Variants in KIF21A observed in about 807,000 individuals in gnomAD.
KIF21A encodes kinesin-like protein KIF21A.
In KIF21A, 114 loss-of-function variants were observed where a neutral mutation model predicts 202.9. The ratio of observed to expected loss-of-function variants is 0.56; its 90% CI spans 0.48 to 0.66. The LOEUF (loss-of-function observed/expected upper bound fraction) is 0.66, where lower values mean the gene tolerates loss of function less well. Among genes scored for constraint, KIF21A ranks in the 30% least tolerant of loss-of-function variants. The pLI is 0.00. For missense variants in KIF21A, 1,677 were observed against 1,994.9 expected (o/e 0.84, Z 3.04); for synonymous variants, 667 against 670.8 (o/e 0.99, Z 0.09).
rs576727569 is a variant in KIF21A at position 39,438,032 on chromosome 12, G to A, written c.44+4895C>T. Among the ~76,000 whole-genome samples the A allele has an allele frequency of 9.2e-5, 14 of 152,222 alleles. No individual in the cohort carries two copies. In the South Asian group the frequency reaches 2.9e-3, roughly 32 times the overall value. Reference sequence around the variant, plus strand: ...AAAACATTTGGAAGTATGTTTCAGAGCACAGCAATAGATATCAGAAACCTG... The same window carrying A: ...AAAACATTTGGAAGTATGTTTCAGAACACAGCAATAGATATCAGAAACCTG... On this transcript the variant is annotated intron_variant, in intron 1 of 37. Transcript: ENST00000361418.
intron 37 of KIF21A, among the ~76,000 whole-genome samples, chr12:39,295,863 A>C (rs1434725273): frequency 6.6e-6 from 1 of 150,446 alleles, no homozygotes; most frequent in Non-Finnish European, 1.5e-5. Flanking sequence ...CACTATGCCT[A>C]GCTAATTTTT....
intron 1 of KIF21A, among the ~76,000 whole-genome samples, chr12:39,434,992 G>A (rs556169020): frequency 7.9e-5 from 12 of 152,208 alleles, no homozygotes; most frequent in Non-Finnish European, 1.6e-4. Flanking sequence ...AGGCCTACGT[G>A]ACAGACACAA....
intron 1 of KIF21A, among the ~76,000 whole-genome samples, chr12:39,429,483 T>G (rs1052728653): frequency 6.6e-6 from 1 of 152,120 alleles, no homozygotes; most frequent in African/African-American, 2.4e-5. Context: ...ACAGACATAA[T>G]AAATTGTAAA....
rs377193734 is a variant in KIF21A, at chr12:39,330,764, G to C, written c.3301C>G (p.Leu1101Val). ...AELNPELDAL[L>V]GHALQDLDSV... ...AAATTACCTTGTAAAGCATGGCCTA[G>C]TAAAGCATCTAGCTCAGGATTTAAT... The change falls in exon 23 of 38, where the codon CTA (leucine) becomes GTA (valine). Residue 1101 changes from leucine (L) to valine (V), a missense_variant. Coordinates refer to ENST00000361418, the MANE Select transcript of KIF21A (RefSeq NM_001173464.2). The C allele has an allele frequency of 1.2e-6, 2 of 1,613,852 alleles. No individual in the cohort carries two copies. Among genetic ancestry groups the C allele is most frequent in the African/African-American group, 1.3e-5 (1 of 74,924 alleles).
chr12:39,409,328 T>G (rs1374742500), intron 1 of KIF21A, among the ~76,000 whole-genome samples: 2 of 150,486 alleles, frequency 1.3e-5, no homozygotes, highest in Non-Finnish European at 3.0e-5. Flanking sequence ...AAGACCAGCC[T>G]AGGCAATATA....
Position 39,315,267 on chromosome 12 carries a change from T to C in KIF21A, c.3948-27A>G, listed in dbSNP as rs199687814. 46 of 1,607,844 alleles carry C rather than the reference T, an allele frequency of 2.9e-5. No individual in the cohort carries two copies. In the East Asian group the frequency reaches 1.0e-3, roughly 35 times the overall value. ...TGCTGATGATCAGCAAAAATGGCCA[T>C]AAAACAAGGAAAACAAGTGCAAAGA... is the stretch of plus-strand genomic sequence containing the variant. On this transcript the variant is annotated intron_variant, in intron 30 of 37. Coordinates refer to ENST00000361418, the MANE Select transcript of KIF21A (RefSeq NM_001173464.2).
chr12:39,427,208 T>C (rs1165961316), intron 1 of KIF21A, among the ~76,000 whole-genome samples: 1 of 152,252 alleles, frequency 6.6e-6, no homozygotes, highest in Non-Finnish European at 1.5e-5. Flanking sequence ...GGATCTGAGC[T>C]GAAATAAATT....
At chr12:39,377,522 G>A (rs948394751) in intron 1 of KIF21A, among the ~76,000 whole-genome samples, 13 of 152,030 alleles carry the variant, frequency 8.6e-5, no homozygotes, top group African/African-American at 3.1e-4. Context: ...AAGAGTTTCT[G>A]ACACACCATA....
chr12:39,423,842 G>A (rs1954516055), intron 1 of KIF21A, among the ~76,000 whole-genome samples: 1 of 151,644 alleles, frequency 6.6e-6, no homozygotes, highest in South Asian at 2.1e-4. Context: ...AAATTAGCTG[G>A]GCATGGTGGC....
chr12:39,299,791 G>C (rs1045561599), intron 37 of KIF21A, among the ~76,000 whole-genome samples: 2 of 152,278 alleles, frequency 1.3e-5, no homozygotes, highest in Admixed American at 1.3e-4. Flanking sequence ...ATGAGATCAT[G>C]TATTTTGTGG....
chr12:39,371,328 T>C (rs370717228), intron 1 of KIF21A, among the ~76,000 whole-genome samples: 1 of 152,114 alleles, frequency 6.6e-6, no homozygotes, highest in Non-Finnish European at 1.5e-5. Context: ...TTATTATGAG[T>C]TGCCTTTCCT....
intron 1 of KIF21A, among the ~76,000 whole-genome samples, chr12:39,416,395 A>T (rs1953588816): frequency 6.6e-6 from 1 of 151,980 alleles, no homozygotes; most frequent in Non-Finnish European, 1.5e-5. Flanking sequence ...CAGGAGTTCA[A>T]GACCAGCCTG....
At chr12:39,349,405 G>C (rs1014815390) in intron 11 of KIF21A, among the ~76,000 whole-genome samples, 5 of 151,996 alleles carry the variant, frequency 3.3e-5, no homozygotes. Context: ...CCCACATTTT[G>C]CAATGCCCTC....
At chr12:39,328,516 T>C (rs1946182241) in intron 24 of KIF21A, among the ~76,000 whole-genome samples, 1 of 152,098 alleles carries the variant, frequency 6.6e-6, no homozygotes, top group Non-Finnish European at 1.5e-5. Flanking sequence ...GCCCTCTGAG[T>C]CTTCTAGCAA....
At chr12:39,308,965 G>A (rs143693838) in intron 33 of KIF21A, among the ~76,000 whole-genome samples, 7 of 152,072 alleles carry the variant, frequency 4.6e-5, no homozygotes, top group East Asian at 3.9e-4. Flanking sequence ...CCGAGTTTAC[G>A]TCAATTTTGA....
In KIF21A at chr12:39,436,450, T is replaced by TATATA. The variant is rs1424166622; in HGVS notation, c.44+6476_44+6477insTATAT. Among the ~76,000 whole-genome samples, 56 of 60,826 alleles carry TATATA rather than the reference T, an allele frequency of 9.2e-4. 2 individuals carry two copies. In the South Asian group the frequency reaches 0.019, roughly 20 times the overall value. 39.9% of individuals were successfully genotyped at this position (60,826 alleles called of 152,430 possible). ...TATATATATATATATATATATATAT[T>TATATA]TTTTTTTTTTTTAGACAGGGTTTCA... On this transcript the variant is annotated intron_variant, in intron 1 of 37. Transcript: ENST00000361418.
At chr12:39,432,820 G>A (rs1440696642) in intron 1 of KIF21A, among the ~76,000 whole-genome samples, 4 of 151,912 alleles carry the variant, frequency 2.6e-5, no homozygotes, top group African/African-American at 4.8e-5. Flanking sequence ...CATGCTGGCC[G>A]GGCTGGTCTC....
At chr12:39,385,090 T>A (rs966228233) in intron 1 of KIF21A, among the ~76,000 whole-genome samples, 2 of 152,154 alleles carry the variant, frequency 1.3e-5, no homozygotes, top group Admixed American at 1.3e-4. Context: ...AATTCACAGG[T>A]ACTATTTAAC....
chr12:39,411,685 C>T (rs964118311), intron 1 of KIF21A, among the ~76,000 whole-genome samples: 4 of 152,000 alleles, frequency 2.6e-5, no homozygotes, highest in Admixed American at 2.6e-4. Flanking sequence ...CACCACCACA[C>T]CCAGCTAATT....
Sources: gnomAD v4.1 joint callset for allele counts (sites outside exome capture counted in the v4.1 genomes callset) on GRCh38, gnomAD v4.1.1 for gene constraint, MANE v1.5 for transcripts, NCBI Gene and HGNC (gene_info 2026-07-23, HGNC 2026-07-21) for gene names.